Variants in USH2A observed in about 807,000 individuals in gnomAD.
USH2A encodes usherin.
USH2A carries 443 observed loss-of-function variants against 538.9 expected under a neutral mutation model. The observed-to-expected ratio is 0.82, with a 90% CI of 0.76 to 0.89. The LOEUF (loss-of-function observed/expected upper bound fraction) is 0.89. Among genes scored for constraint, USH2A ranks in the 40% least tolerant of loss-of-function variants. The pLI is 0.00. For synonymous variants in USH2A, 2,413 were observed against 2,273.5 expected, an observed-to-expected ratio of 1.06 and a Z score of -1.75; for missense variants, 6,633 against 6,324.8, an observed-to-expected ratio of 1.05 and a Z score of -1.65.
At chr1:215,774,051 C>T (rs1263507847) in intron 55 of USH2A, among the ~76,000 whole-genome samples, 1 of 152,106 alleles carries the variant, frequency 6.6e-6, no homozygotes, top group Non-Finnish European at 1.5e-5. Context: ...CTTACCCAAG[C>T]CAATTTCCTC....
At position 215,782,180 on chromosome 1, in the gene USH2A, G is replaced by T; in HGVS notation, c.10602C>A (p.Tyr3534Ter). The T allele has an allele frequency of 6.2e-7, 1 of 1,613,836 alleles. No individual in the cohort carries two copies. The highest frequency in any genetic ancestry group is 8.5e-7 in the Non-Finnish European group (1 of 1,179,802). The change falls in exon 54 of 72, where the codon TAC (tyrosine) becomes TAA (stop). Residue 3534 changes from tyrosine (Y) to a stop codon, truncating the protein, a stop_gained. Coordinates refer to ENST00000307340, the MANE Select transcript of USH2A (RefSeq NM_206933.4). LOFTEE classifies it high-confidence loss of function. ...PIQSNGPIIY[Y>*]ILLRNGIERF... ...GTTCAATTCCATTTCGAAGAAGGAT[G>T]TAGTAAATAATAGGACCTAAAAGAA...
intron 50 of USH2A, among the ~76,000 whole-genome samples, chr1:215,790,955 C>G (rs540501706): frequency 6.6e-6 from 1 of 152,270 alleles, no homozygotes; most frequent in Non-Finnish European, 1.5e-5. Flanking sequence ...ATCACAGACA[C>G]AGGTGACAGG....
rs532518767 is a variant in USH2A, at chr1:216,096,280, G to A, written c.4758+803C>T. Among the ~76,000 whole-genome samples, 12 of 152,122 alleles carry A rather than the reference G, an allele frequency of 7.9e-5. No homozygotes were observed. The East Asian group carries it at 1.9e-3, about 25-fold the overall frequency. ...AGTGTACTGAATGTGCCATGTTCTC[G>A]TCCACCTCAGGCACTTAATATTTGC... On this transcript the variant is annotated intron_variant, in intron 22 of 71. Coordinates refer to ENST00000307340, the MANE Select transcript of USH2A (RefSeq NM_206933.4).
chr1:215,628,964 G>A lies in USH2A; in HGVS notation c.15369C>T (p.Val5123=), dbSNP rs142939648. The change falls in exon 71 of 72, where the codon GTC becomes GTT. Residue 5123 remains valine (V), a synonymous_variant. Coordinates refer to ENST00000307340, the MANE Select transcript of USH2A (RefSeq NM_206933.4). ...TTTGGTTTTGACTCGGGATGCGCAG[G>A]ACACATGCACTCCGGTTGCTGCGGA... is the stretch of plus-strand genomic sequence containing the variant. ...VSIRSNRSAC[V]LRIPSQNQTS... 152 of 1,614,072 alleles carry A rather than the reference G, an allele frequency of 9.4e-5. No homozygotes were observed. The highest frequency in any genetic ancestry group is 1.2e-4 in the Non-Finnish European group (144 of 1,180,044).
In USH2A at chr1:215,743,406, GTGTGTGTGTGTA is replaced by G. The variant is rs1558078673; in HGVS notation, c.11390-83_11390-72del. On this transcript the variant is annotated intron_variant, in intron 58 of 71. Coordinates refer to ENST00000307340, the MANE Select transcript of USH2A (RefSeq NM_206933.4). ...TATATATGTGTGTGTGTGTGTGTGT[GTGTGTGTGTGTA>G]TATATATATAGACACACATATATAT... 6.4e-6 allele frequency: 3 copies of G among 471,688 alleles called. 1 individual carries two copies. Among genetic ancestry groups the G allele is most frequent in the African/African-American group, 2.6e-5 (1 of 38,266 alleles). The allele number at this position is 471,688 out of a possible 1,614,324, so 29.2% of individuals were successfully genotyped here.
chr1:215,847,482 A>C (rs551628280), intron 44 of USH2A, among the ~76,000 whole-genome samples: 1 of 151,868 alleles, frequency 6.6e-6, no homozygotes, highest in Non-Finnish European at 1.5e-5. Context: ...CCATCTCTAC[A>C]TGAAACACAA....
intron 61 of USH2A, among the ~76,000 whole-genome samples, chr1:215,714,126 T>C (rs1214854880): frequency 6.6e-6 from 1 of 152,228 alleles, no homozygotes; most frequent in Non-Finnish European, 1.5e-5. Context: ...CTTTCTCAGT[T>C]TGATTTAGCT....
At chr1:215,723,943 A>G (rs541148940) in intron 61 of USH2A, among the ~76,000 whole-genome samples, 2 of 152,302 alleles carry the variant, frequency 1.3e-5, no homozygotes, top group East Asian at 1.9e-4. Flanking sequence ...CATCTACCCA[A>G]AGGAAAATAA....
chr1:216,375,405 C>A (rs1281500795), intron 3 of USH2A, among the ~76,000 whole-genome samples: 2 of 152,162 alleles, frequency 1.3e-5, no homozygotes, highest in Non-Finnish European at 2.9e-5. Context: ...TTCAACCTTG[C>A]ACTTTTATGT....
chr1:215,987,767 T>C (rs1667906098), intron 35 of USH2A, among the ~76,000 whole-genome samples: 1 of 152,198 alleles, frequency 6.6e-6, no homozygotes, highest in Non-Finnish European at 1.5e-5. Context: ...TGGGATTGCA[T>C]ACTGCCTTTT....
At chr1:216,153,878 A>G (rs989023046) in intron 21 of USH2A, among the ~76,000 whole-genome samples, 1 of 152,164 alleles carries the variant, frequency 6.6e-6, no homozygotes, top group African/African-American at 2.4e-5. Context: ...AACACATTTT[A>G]AGTGAGGGTC....
chr1:216,251,102 G>C lies in USH2A; in HGVS notation c.1972-4C>G. The C allele has an allele frequency of 3.1e-6, 5 of 1,613,780 alleles. No individual in the cohort carries two copies. Among genetic ancestry groups the C allele is most frequent in the Non-Finnish European group, 4.2e-6 (5 of 1,179,878 alleles). ...TACAATTACACTGTCCTCCAATCTA[G>C]AGAAGATACAACATTTTGTAGAATG... is the stretch of plus-strand genomic sequence containing the variant. On this transcript the variant is annotated splice_region_variant and splice_polypyrimidine_tract_variant and intron_variant, in intron 11 of 71. Transcript: ENST00000307340.
At chr1:215,950,718 G>T (rs928695482) in intron 37 of USH2A, among the ~76,000 whole-genome samples, 3 of 151,536 alleles carry the variant, frequency 2.0e-5, no homozygotes, top group African/African-American at 4.9e-5. Flanking sequence ...CACCATCTTG[G>T]ACAGGCTGGT....
At chr1:216,210,469 C>T (rs2035215144) in intron 15 of USH2A, among the ~76,000 whole-genome samples, 1 of 152,136 alleles carries the variant, frequency 6.6e-6, no homozygotes, top group South Asian at 2.1e-4. Flanking sequence ...GCTCTTTCTA[C>T]CCAATAAATA....
At chr1:216,206,320 C>T (rs1310698573) in intron 16 of USH2A, among the ~76,000 whole-genome samples, 1 of 152,094 alleles carries the variant, frequency 6.6e-6, no homozygotes, top group African/African-American at 2.4e-5. Context: ...GCCCCAGGGA[C>T]TGGTTTCATG....
At chr1:216,266,754 A>G (rs2036480381) in intron 11 of USH2A, among the ~76,000 whole-genome samples, 1 of 152,060 alleles carries the variant, frequency 6.6e-6, no homozygotes. Context: ...ATATTCATGT[A>G]GCAAAGACGT....
At chr1:215,769,731 G>A (rs1661227836) in intron 55 of USH2A, among the ~76,000 whole-genome samples, 1 of 152,154 alleles carries the variant, frequency 6.6e-6, no homozygotes, top group African/African-American at 2.4e-5. Context: ...AAGGAGGAAT[G>A]GCAGACTCAG....
chr1:216,034,611 A>G (rs1571905701), intron 32 of USH2A, among the ~76,000 whole-genome samples: 1 of 152,138 alleles, frequency 6.6e-6, no homozygotes, highest in Admixed American at 6.5e-5. Flanking sequence ...AAGAAGGGAA[A>G]ACACTATGTA....
intron 38 of USH2A, among the ~76,000 whole-genome samples, chr1:215,909,867 A>G (rs1162630061): frequency 6.6e-6 from 1 of 151,940 alleles, no homozygotes; most frequent in African/African-American, 2.4e-5. Context: ...AGAGAATGAA[A>G]GAAGGATGCT....
Sources: gnomAD v4.1 joint callset for allele counts (sites outside exome capture counted in the v4.1 genomes callset) on GRCh38, gnomAD v4.1.1 for gene constraint, MANE v1.5 for transcripts, NCBI Gene and HGNC (gene_info 2026-07-23, HGNC 2026-07-21) for gene names.